Variants in SAMD4A observed in about 807,000 individuals in gnomAD.
SAMD4A encodes the protein sterile alpha motif domain containing 4A, also known as protein Smaug homolog 1.
SAMD4A carries 33 observed loss-of-function variants against 81.3 expected under a neutral mutation model. That is an observed-to-expected ratio of 0.41 (90% CI 0.31 to 0.54). The LOEUF (loss-of-function observed/expected upper bound fraction) is 0.54, where lower values mean the gene tolerates loss of function less well. SAMD4A is among the 20% of genes least tolerant of loss of function. The pLI, the probability that SAMD4A is intolerant of heterozygous loss-of-function variation, is 0.37. For synonymous variants in SAMD4A, 389 were observed against 382.1 expected (o/e 1.02, Z -0.21); for missense variants, 854 against 951.1 (o/e 0.90, Z 1.34).
intron 2 of SAMD4A, among the ~76,000 whole-genome samples, chr14:54,608,262 G>A (rs896550490): frequency 1.3e-5 from 2 of 152,124 alleles, no homozygotes; most frequent in African/African-American, 4.8e-5. Flanking sequence ...TGGCCCAGTT[G>A]TAAGTGGATC....
chr14:54,692,926 ATTGT>A (rs1363158682), intron 2 of SAMD4A: 1 of 138,872 alleles, frequency 7.2e-6, no homozygotes, highest in Non-Finnish European at 1.6e-5. Flanking sequence ...CCCTGTTGAC[ATTGT>A]TTTTCTTTCC....
chr14:54,597,321 C>A (rs1172480355), intron 2 of SAMD4A, among the ~76,000 whole-genome samples: 1 of 151,672 alleles, frequency 6.6e-6, no homozygotes, highest in Non-Finnish European at 1.5e-5. Flanking sequence ...ATTGCCTAGG[C>A]TGGAGTGCAA....
chr14:54,662,683 G>A (rs1248032560), intron 2 of SAMD4A, among the ~76,000 whole-genome samples: 1 of 152,040 alleles, frequency 6.6e-6, no homozygotes, highest in Middle Eastern at 3.2e-3. Context: ...CCAAAGTGCT[G>A]GGATTACTTC....
chr14:54,734,344 C>T (rs917395474), intron 3 of SAMD4A, among the ~76,000 whole-genome samples: 2 of 152,204 alleles, frequency 1.3e-5, no homozygotes, highest in East Asian at 3.9e-4. Flanking sequence ...GTTGCCACAG[C>T]ACGTTGGCTC....
At chr14:54,650,098 C>G (rs2035372012) in intron 2 of SAMD4A, among the ~76,000 whole-genome samples, 1 of 152,172 alleles carries the variant, frequency 6.6e-6, no homozygotes, top group African/African-American at 2.4e-5. Context: ...CACTTACCTC[C>G]TCTAATTCAC....
chr14:54,662,089 T>C (rs1333127436), intron 2 of SAMD4A, among the ~76,000 whole-genome samples: 2 of 152,174 alleles, frequency 1.3e-5, no homozygotes, highest in African/African-American at 4.8e-5. Context: ...CAGGGCCTTT[T>C]TACTGCAGCT....
chr14:54,656,309 A>G (rs2035520277), intron 2 of SAMD4A, among the ~76,000 whole-genome samples: 1 of 152,194 alleles, frequency 6.6e-6, no homozygotes, highest in South Asian at 2.1e-4. Context: ...CCTTGTTGAC[A>G]TATGGAGAGA....
At chr14:54,733,195 G>A (rs979127631) in intron 3 of SAMD4A, among the ~76,000 whole-genome samples, 1 of 152,186 alleles carries the variant, frequency 6.6e-6, no homozygotes, top group East Asian at 1.9e-4. Context: ...GACTGCTGTA[G>A]CAAGATTACT....
intron 4 of SAMD4A, among the ~76,000 whole-genome samples, chr14:54,743,372 C>G (rs2037891261): frequency 6.6e-6 from 1 of 152,198 alleles, no homozygotes; most frequent in Non-Finnish European, 1.5e-5. Flanking sequence ...AGGAGTTGTG[C>G]TAACTCTTCT....
intron 2 of SAMD4A, among the ~76,000 whole-genome samples, chr14:54,606,951 T>G (rs1278373975): frequency 1.3e-5 from 2 of 152,210 alleles, no homozygotes; most frequent in Admixed American, 6.5e-5. Context: ...AGGTGGAGTT[T>G]GGAGAGCAGG....
At chr14:54,639,423 C>T (rs570335640) in intron 2 of SAMD4A, among the ~76,000 whole-genome samples, 1 of 152,278 alleles carries the variant, frequency 6.6e-6, no homozygotes, top group Admixed American at 6.5e-5. Flanking sequence ...TCTCATCTAA[C>T]CCAGAGTTCT....
intron 2 of SAMD4A, among the ~76,000 whole-genome samples, chr14:54,612,457 G>T (rs969926473): frequency 2.6e-5 from 4 of 151,710 alleles, no homozygotes; most frequent in African/African-American, 9.7e-5. Context: ...ATCTTTTTTT[G>T]AATGTGAATG....
chr14:54,597,884 GC>G (rs2033954228), intron 2 of SAMD4A, among the ~76,000 whole-genome samples: 1 of 150,842 alleles, frequency 6.6e-6, no homozygotes, highest in South Asian at 2.1e-4. Context: ...CATCACACTG[GC>G]CCCCTGTTGT....
intron 2 of SAMD4A, among the ~76,000 whole-genome samples, chr14:54,675,226 C>T (rs1198589120): frequency 3.3e-5 from 5 of 151,932 alleles, no homozygotes; most frequent in Non-Finnish European, 5.9e-5. Flanking sequence ...ATTAGCCGGG[C>T]GTGGTGGCGG....
At chr14:54,758,214 G>A (rs2038296646) in intron 6 of SAMD4A, among the ~76,000 whole-genome samples, 1 of 152,138 alleles carries the variant, frequency 6.6e-6, no homozygotes, top group Non-Finnish European at 1.5e-5. Context: ...AACCCTTCGT[G>A]CCAACTAGGC....
At chr14:54,655,239 A>G (rs1030961119) in intron 2 of SAMD4A, among the ~76,000 whole-genome samples, 1 of 152,168 alleles carries the variant, frequency 6.6e-6, no homozygotes, top group Non-Finnish European at 1.5e-5. Context: ...TCCCAGTCAT[A>G]TGTCCTTCCC....
intron 9 of SAMD4A, 74 bp from the exon 10 acceptor site, chr14:54,774,860 C>A: frequency 1.4e-6 from 2 of 1,457,518 alleles, no homozygotes; most frequent in East Asian, 2.3e-5. Context: ...AGGCGACATC[C>A]CTTGGGAAGC....
chr14:54,613,944 G>A (rs1387973265), intron 2 of SAMD4A, among the ~76,000 whole-genome samples: 1 of 152,174 alleles, frequency 6.6e-6, no homozygotes, highest in Non-Finnish European at 1.5e-5. Context: ...ATTCCATGTC[G>A]CAAGTAACCT....
At chr14:54,568,733 ATATATATAATG>A (rs2033037374) in intron 2 of SAMD4A, among the ~76,000 whole-genome samples, 1 of 117,750 alleles carries the variant, frequency 8.5e-6, no homozygotes. Context: ...ATATATATAT[ATATATATAATG>A]CGGTTAAGCT....
Sources: gnomAD v4.1 joint callset for allele counts (sites outside exome capture counted in the v4.1 genomes callset) on GRCh38, gnomAD v4.1.1 for gene constraint, MANE v1.5 for transcripts, NCBI Gene and HGNC (gene_info 2026-07-23, HGNC 2026-07-21) for gene names.